EBF1: variants seen among roughly 807,000 people sequenced by gnomAD.
EBF1 encodes EBF transcription factor 1.
A neutral mutation model predicts 68.4 loss-of-function variants in EBF1; 10 were observed. The ratio of observed to expected loss-of-function variants is 0.15; its 90% CI spans 0.09 to 0.25. The LOEUF is 0.25. Among genes scored for constraint, EBF1 ranks in the 10% least tolerant of loss-of-function variants. EBF1 has a pLI of 1.00. For synonymous variants in EBF1, 298 were observed against 299.8 expected, an observed-to-expected ratio of 0.99 and a Z score of 0.06; for missense variants, 509 against 794.4, an observed-to-expected ratio of 0.64 and a Z score of 4.32.
chr5:158,928,096 A>G (rs550210676), intron 6 of EBF1, among the ~76,000 whole-genome samples: 1 of 152,298 alleles, frequency 6.6e-6, no homozygotes, highest in Non-Finnish European at 1.5e-5. Context: ...GAGAAACCAT[A>G]TGATGGTTAA....
At chr5:158,939,158 G>A (rs1812714245) in intron 6 of EBF1, among the ~76,000 whole-genome samples, 1 of 152,174 alleles carries the variant, frequency 6.6e-6, no homozygotes, top group Non-Finnish European at 1.5e-5. Flanking sequence ...CTACTCATTG[G>A]CCTCACATGT....
At chr5:158,710,649 G>A (rs1336107602) in intron 14 of EBF1, among the ~76,000 whole-genome samples, 1 of 152,158 alleles carries the variant, frequency 6.6e-6, no homozygotes, top group African/African-American at 2.4e-5. Context: ...TGGACCTTGA[G>A]CAGAAAAATT....
At chr5:158,816,637 G>A (rs1783795960) in intron 8 of EBF1, among the ~76,000 whole-genome samples, 1 of 152,054 alleles carries the variant, frequency 6.6e-6, no homozygotes. Context: ...AAGTTTTGGT[G>A]GGGTAATATA....
chr5:158,949,728 A>G (rs1315526967), intron 6 of EBF1, among the ~76,000 whole-genome samples: 1 of 152,260 alleles, frequency 6.6e-6, no homozygotes, highest in Non-Finnish European at 1.5e-5. Context: ...TCTATTCAAT[A>G]AATGTTCACC....
chr5:158,979,646 T>A (rs191311093), intron 6 of EBF1, among the ~76,000 whole-genome samples: 1 of 151,380 alleles, frequency 6.6e-6, no homozygotes, highest in East Asian at 1.9e-4. Context: ...TAGACTAGAC[T>A]TTTCTTCCCT....
At chr5:158,749,307 G>A (rs1004294865) in intron 10 of EBF1, among the ~76,000 whole-genome samples, 4 of 152,064 alleles carry the variant, frequency 2.6e-5, no homozygotes, top group South Asian at 4.1e-4. Flanking sequence ...TTAAAATACT[G>A]GAAACCATGA....
chr5:158,705,310 C>G (rs1358655086), intron 15 of EBF1, among the ~76,000 whole-genome samples: 1 of 152,152 alleles, frequency 6.6e-6, no homozygotes, highest in Non-Finnish European at 1.5e-5. Context: ...TTATCATGCT[C>G]AATAGTCAGG....
intron 6 of EBF1, among the ~76,000 whole-genome samples, chr5:158,971,573 T>A (rs1755661390): frequency 6.6e-6 from 1 of 152,060 alleles, no homozygotes; most frequent in Non-Finnish European, 1.5e-5. Context: ...GACTTTTCAC[T>A]AAAAATCAGA....
intron 6 of EBF1, among the ~76,000 whole-genome samples, chr5:158,915,863 A>G (rs1807086424): frequency 6.6e-6 from 1 of 152,218 alleles, no homozygotes; most frequent in African/African-American, 2.4e-5. Flanking sequence ...CAGGCATATC[A>G]AAAGGGGTCC....
intron 10 of EBF1, among the ~76,000 whole-genome samples, chr5:158,759,106 A>G (rs947487648): frequency 1.3e-5 from 2 of 152,228 alleles, no homozygotes; most frequent in Non-Finnish European, 2.9e-5. Flanking sequence ...CATTAAATGT[A>G]CCATACATCT....
chr5:158,707,723 C>T (rs1358631251), intron 15 of EBF1: 11 of 473,624 alleles, frequency 2.3e-5, no homozygotes, highest in Admixed American at 6.5e-5. Context: ...AAGCAAATCC[C>T]GGGCCTGAGC....
chr5:158,998,849 G>T (rs1308471638), intron 6 of EBF1, among the ~76,000 whole-genome samples: 1 of 152,060 alleles, frequency 6.6e-6, no homozygotes, highest in African/African-American at 2.4e-5. Context: ...AAGTGCTATT[G>T]ACTTGATCAA....
At chr5:158,930,651 C>T (rs1810675748) in intron 6 of EBF1, among the ~76,000 whole-genome samples, 1 of 152,212 alleles carries the variant, frequency 6.6e-6, no homozygotes, top group South Asian at 2.1e-4. Flanking sequence ...ATTTATTTAT[C>T]ACACTGTGAA....
chr5:158,699,886 C>T (rs771144094), intron 15 of EBF1, among the ~76,000 whole-genome samples: 5 of 152,118 alleles, frequency 3.3e-5, no homozygotes, highest in Non-Finnish European at 7.4e-5. Flanking sequence ...TTTGAGGTAA[C>T]CAAAAATTGT....
chr5:158,826,835 C>T (rs930876238), intron 7 of EBF1, among the ~76,000 whole-genome samples: 8 of 152,126 alleles, frequency 5.3e-5, no homozygotes, highest in Non-Finnish European at 7.4e-5. Flanking sequence ...TGGCTCATAT[C>T]AGTGGTTCAG....
rs370825829 is a variant in EBF1, at chr5:158,833,940, G to A, written c.636+6089C>T. ...CTTCAATAAATATTACTGAATGCAC[G>A]CATTCCTGCATGTGTGCATAACTAT... is the stretch of plus-strand genomic sequence containing the variant. On this transcript the variant is annotated intron_variant, in intron 7 of 15. Transcript: ENST00000313708. 2.2e-3 allele frequency among the ~76,000 whole-genome samples: 335 copies of A among 152,266 alleles called. 3 individuals carry two copies. Among genetic ancestry groups the A allele is most frequent in the African/African-American group, 7.7e-3 (322 of 41,560 alleles).
At chr5:158,869,057 T>C (rs1796416108) in intron 6 of EBF1, among the ~76,000 whole-genome samples, 1 of 152,114 alleles carries the variant, frequency 6.6e-6, no homozygotes, top group Non-Finnish European at 1.5e-5. Flanking sequence ...AGGACTGGTG[T>C]TTTCTGCAGT....
chr5:158,879,382 G>C (rs13155183), intron 6 of EBF1, among the ~76,000 whole-genome samples: 110 of 152,226 alleles, frequency 7.2e-4, no homozygotes, highest in African/African-American at 2.5e-3. Flanking sequence ...TCCTGAGAAA[G>C]AGGAAAGTTC....
At chr5:158,872,149 T>G (rs1337829233) in intron 6 of EBF1, among the ~76,000 whole-genome samples, 1 of 152,052 alleles carries the variant, frequency 6.6e-6, no homozygotes, top group East Asian at 1.9e-4. Context: ...CCTCTGCCTT[T>G]AGACTGGACT....
Sources: allele counts gnomAD v4.1 joint callset (sites outside exome capture counted in the v4.1 genomes callset), GRCh38; gene constraint gnomAD v4.1.1; transcripts MANE v1.5; gene names NCBI Gene and HGNC (gene_info 2026-07-23, HGNC 2026-07-21).